The following EMC2 variants were observed in gnomAD, a reference collection of about 807,000 sequenced individuals.
EMC2 encodes the protein ER membrane protein complex subunit 2.
Under a neutral mutation model 51.6 loss-of-function variants are expected in EMC2, and 37 were observed. The ratio of observed to expected loss-of-function variants is 0.72; its 90% confidence interval spans 0.55 to 0.94. The LOEUF (loss-of-function observed/expected upper bound fraction) is 0.94, where lower values mean the gene tolerates loss of function less well. EMC2 is among the 40% of genes least tolerant of loss of function. The probability of loss-of-function intolerance (pLI) is 0.00; values close to 1 mark genes in which losing one functional copy is unlikely to be tolerated. For synonymous variants in EMC2, 131 were observed against 112.4 expected (o/e 1.17, Z -1.04); for missense variants, 359 against 350.9 (o/e 1.02, Z -0.18).
chr8:108,448,623 G>T (rs753933201), intron 1 of EMC2, among the ~76,000 whole-genome samples: 1 of 152,052 alleles, frequency 6.6e-6, no homozygotes, highest in Non-Finnish European at 1.5e-5. Flanking sequence ...TCATTGTGAG[G>T]CCTCCCCAGC....
At chr8:108,453,708 T>C (rs1288350621) in intron 4 of EMC2, among the ~76,000 whole-genome samples, 2 of 152,174 alleles carry the variant, frequency 1.3e-5, no homozygotes, top group Non-Finnish European at 1.5e-5. Flanking sequence ...TTTTGCCGTC[T>C]TTTAAAATTT....
In EMC2 at chr8:108,449,830, A is replaced by C. The variant is rs543380126; in HGVS notation, c.48A>C (p.Arg16Ser). The change falls in exon 2 of 11, where the codon AGA (arginine) becomes AGC (serine). Residue 16 changes from arginine to serine, a missense_variant. Physicochemically the swap from Arg to Ser is moderately radical, Grantham distance 110. Transcript: ENST00000220853. ...ELYDVTWEEM[R>S]DKMRKWREEN... is the part of the protein sequence containing the mutation. ...TCATGTTATTTTTTTCAGAAATGAG[A>C]GATAAAATGAGAAAATGGAGAGAAG... is the stretch of plus-strand genomic sequence containing the variant. The C allele has an allele frequency of 2.0e-6, 3 of 1,481,640 alleles. No homozygotes were observed. The highest frequency in any genetic ancestry group is 2.8e-5 in the African/African-American group (2 of 72,196). 91.8% of individuals were successfully genotyped at this position (1,481,640 alleles called of 1,614,324 possible).
At chr8:108,476,715 GATGAAACC>G in intron 8 of EMC2, 59 bp from the exon 9 acceptor site, 1 of 749,672 alleles carries the variant, frequency 1.3e-6, no homozygotes. Flanking sequence ...CCTATGGTAT[GATGAAACC>G]ATGCTATATT....
intron 5 of EMC2, among the ~76,000 whole-genome samples, chr8:108,456,410 A>G (rs1266120219): frequency 1.3e-5 from 2 of 151,612 alleles, no homozygotes; most frequent in Non-Finnish European, 2.9e-5. Flanking sequence ...TGAGATTTGG[A>G]AAGAGTAGAC....
chr8:108,452,975 G>T, intron 3 of EMC2, 87 bp from the exon 4 acceptor site: 1 of 514,728 alleles, frequency 1.9e-6, no homozygotes, highest in East Asian at 3.4e-5. Context: ...AATTATTCAA[G>T]AAGACACATT....
intron 3 of EMC2, among the ~76,000 whole-genome samples, chr8:108,451,288 T>G (rs974258767): frequency 6.6e-6 from 1 of 152,226 alleles, no homozygotes; most frequent in Admixed American, 6.5e-5. Context: ...GGACTCATGC[T>G]AGGAACGAAG....
chr8:108,479,135 T>A, intron 10 of EMC2, 25 bp downstream of exon 10: 2 of 1,322,482 alleles, frequency 1.5e-6, no homozygotes, highest in Non-Finnish European at 2.1e-6. Context: ...ATCATTTTGC[T>A]ATGTAGGTCA....
At chr8:108,455,165 C>A (rs1819120609) in intron 4 of EMC2, among the ~76,000 whole-genome samples, 1 of 151,862 alleles carries the variant, frequency 6.6e-6, no homozygotes, top group African/African-American at 2.4e-5. Flanking sequence ...ATATTTCTTT[C>A]TTTTTTCCCT....
At chr8:108,468,148 T>G (rs1387772487) in intron 5 of EMC2, among the ~76,000 whole-genome samples, 1 of 152,226 alleles carries the variant, frequency 6.6e-6, no homozygotes, top group East Asian at 1.9e-4. Context: ...AATCAGATAT[T>G]AAATGGCCGA....
intron 1 of EMC2, among the ~76,000 whole-genome samples, chr8:108,447,042 G>A (rs1164363408): frequency 6.6e-6 from 1 of 152,092 alleles, no homozygotes; most frequent in Non-Finnish European, 1.5e-5. Context: ...TCCTATGAGT[G>A]TTTTTTCACA....
intron 5 of EMC2, among the ~76,000 whole-genome samples, chr8:108,462,633 C>T (rs1048931886): frequency 3.3e-5 from 5 of 152,118 alleles, no homozygotes; most frequent in Non-Finnish European, 5.9e-5. Flanking sequence ...TATCCTGCCA[C>T]GTGGTATATT....
At chr8:108,455,745 C>T in intron 4 of EMC2, 128 bp from the exon 5 acceptor site, 1 of 409,740 alleles carries the variant, frequency 2.4e-6, no homozygotes, top group Non-Finnish European at 4.4e-6. Context: ...ATTATAAATG[C>T]ATTTAAAGCA....
chr8:108,479,043 CA>C lies in EMC2; in HGVS notation c.745del (p.Thr249ArgfsTer6). On this transcript the variant is annotated frameshift_variant, in exon 10 of 11. Coordinates refer to ENST00000220853, the MANE Select transcript of EMC2 (RefSeq NM_014673.5). LOFTEE classifies it high-confidence loss of function. Reference sequence around the variant, plus strand: ...ATTGCTTCTAATCCAAAAGCAAGTGCAAAAACGAAAAAGGACAACATGAAAT... The same window carrying C: ...ATTGCTTCTAATCCAAAAGCAAGTGCAAAACGAAAAAGGACAACATGAAAT... ...SHIASNPKAS[A>X]KTKKDNMKYA... The C allele has an allele frequency of 6.3e-7, 1 of 1,580,400 alleles. No homozygotes were observed. Among genetic ancestry groups the C allele is most frequent in the Non-Finnish European group, 8.6e-7 (1 of 1,163,172 alleles).
intron 5 of EMC2, among the ~76,000 whole-genome samples, chr8:108,466,488 T>C (rs1459084091): frequency 7.2e-6 from 1 of 138,046 alleles, no homozygotes; most frequent in Non-Finnish European, 1.5e-5. Context: ...GATCTCGCTC[T>C]GTTGCCCAGG....
intron 10 of EMC2, among the ~76,000 whole-genome samples, chr8:108,484,820 AAGT>A (rs1221087778): frequency 2.2e-4 from 33 of 152,146 alleles, no homozygotes; most frequent in African/African-American, 7.5e-4. Context: ...TGGATAACAG[AAGT>A]AATAAGCATG....
rs1217287636 is a variant in EMC2 at position 108,489,064 on chromosome 8, T to C, written c.*2466T>C. Among the ~76,000 whole-genome samples, 3 of 152,120 alleles carry C rather than the reference T, an allele frequency of 2.0e-5. No individual in the cohort carries two copies. Among genetic ancestry groups the C allele is most frequent in the Non-Finnish European group, 4.4e-5 (3 of 68,018 alleles). On this transcript the variant is annotated 3_prime_UTR_variant, in exon 11 of 11. Coordinates refer to ENST00000220853, the MANE Select transcript of EMC2 (RefSeq NM_014673.5). ...GAGAATGAAAGTTACATTTCAGAGA[T>C]AGAACTGAAGGAGGATTAAGGGGAT...
intron 4 of EMC2, among the ~76,000 whole-genome samples, chr8:108,454,509 CT>C (rs1819107542): frequency 1.3e-5 from 2 of 152,030 alleles, no homozygotes; most frequent in Non-Finnish European, 2.9e-5. Context: ...TAATTCTTCT[CT>C]TTCGTCATTT....
chr8:108,475,867 TTGATG>T lies in EMC2; in HGVS notation c.510-12_510-8del, dbSNP rs777753390. The T allele has an allele frequency of 4.7e-6, 7 of 1,484,474 alleles. No individual in the cohort carries two copies. The East Asian group carries it at 1.6e-4, about 34-fold the overall frequency. The allele number at this position is 1,484,474 out of a possible 1,614,324, so 92.0% of individuals were successfully genotyped here. A position where few individuals can be genotyped will look rare whatever the true frequency, so the allele number is the denominator to read the frequency against. On this transcript the variant is annotated splice_polypyrimidine_tract_variant and intron_variant, in intron 7 of 10. Transcript: ENST00000220853. ...TGACTTTAAAAATTAATTTCTCCTC[TTGATG>T]TGTTTTTAGCTATGCAAAAGCAGCC... is the stretch of plus-strand genomic sequence containing the variant.
chr8:108,486,505 T>A lies in EMC2; in HGVS notation c.808-7T>A, dbSNP rs1563705107. On this transcript the variant is annotated splice_polypyrimidine_tract_variant and splice_region_variant and intron_variant, in intron 10 of 10. Coordinates refer to ENST00000220853, the MANE Select transcript of EMC2 (RefSeq NM_014673.5). ...TAATTGAGCTTTTTTTTTTTTTTTT[T>A]AATTAGTTTGCAGGTCGAAGTAAGA... 24 of 1,554,406 alleles carry A rather than the reference T, an allele frequency of 1.5e-5. No homozygotes were observed. Among genetic ancestry groups the A allele is most frequent in the East Asian group, 4.6e-5 (2 of 43,720 alleles).
Sources: allele counts gnomAD v4.1 joint callset (sites outside exome capture counted in the v4.1 genomes callset), GRCh38; gene constraint gnomAD v4.1.1; transcripts MANE v1.5; gene names NCBI Gene and HGNC (gene_info 2026-07-23, HGNC 2026-07-21).